The following ANK2 variants were observed in gnomAD, a reference collection of about 807,000 sequenced individuals.
The protein encoded by ANK2 is ankyrin 2.
In ANK2, 83 loss-of-function variants were observed where a neutral mutation model predicts 360.5. The observed-to-expected ratio is 0.23, with a 90% confidence interval of 0.19 to 0.28. The LOEUF (loss-of-function observed/expected upper bound fraction) is 0.28. Among genes scored for constraint, ANK2 ranks in the 10% least tolerant of loss-of-function variants. The pLI is 1.00. For synonymous variants in ANK2, 1,740 were observed against 1,759.5 expected, an observed-to-expected ratio of 0.99 and a Z score of 0.28; for missense variants, 4,201 against 4,795.7, an observed-to-expected ratio of 0.88 and a Z score of 3.66.
chr4:112,865,210 A>G (rs56284188), intron 1 of ANK2, among the ~76,000 whole-genome samples: 4 of 152,208 alleles, frequency 2.6e-5, no homozygotes, highest in African/African-American at 4.8e-5. Context: ...TAGCATTAGA[A>G]ATCACCATCT....
At chr4:113,363,749 A>G (rs1264868673) in intron 40 of ANK2, among the ~76,000 whole-genome samples, 1 of 152,092 alleles carries the variant, frequency 6.6e-6, no homozygotes, top group Admixed American at 6.6e-5. Context: ...CCACATCCCA[A>G]AGATGTGCAC....
chr4:113,365,006 G>C (rs778889165), intron 40 of ANK2, 33 bp from the exon 41 acceptor site: 1 of 1,613,046 alleles, frequency 6.2e-7, no homozygotes, highest in South Asian at 1.1e-5. Flanking sequence ...GTACCTCTCA[G>C]ACATAATAAA....
At chr4:112,796,172 C>T in the ANK2 span, among the ~76,000 whole-genome samples, 2 of 151,882 alleles carry the variant, frequency 1.3e-5, no homozygotes, top group Non-Finnish European at 2.9e-5. Flanking sequence ...CACCTGTAAC[C>T]CTAGCACTTT....
the ANK2 span, among the ~76,000 whole-genome samples, chr4:112,760,414 C>T: frequency 1.3e-5 from 2 of 152,048 alleles, no homozygotes; most frequent in South Asian, 4.1e-4. Context: ...GTCTCGATCT[C>T]CTGACCTTGT....
At chr4:113,204,589 C>G (rs2098916800) in intron 4 of ANK2, among the ~76,000 whole-genome samples, 1 of 152,146 alleles carries the variant, frequency 6.6e-6, no homozygotes, top group Admixed American at 6.5e-5. Flanking sequence ...TGAATAGTCT[C>G]ATTTTGGACA....
chr4:113,373,801 G>A (rs1180196484), intron 45 of ANK2, among the ~76,000 whole-genome samples: 2 of 152,142 alleles, frequency 1.3e-5, no homozygotes, highest in African/African-American at 4.8e-5. Flanking sequence ...GTGTAGAAAC[G>A]CACTGTGGTG....
chr4:113,369,494 AT>A lies in ANK2; in HGVS notation c.11319-17del. On this transcript the variant is annotated intron_variant, in intron 42 of 45. Transcript: ENST00000357077. ...GAAATGCAAATGTCCCTGAAGTCTC[AT>A]TTGGCTTTTTGATTCCAGTGTGACA... 1 of 1,612,830 alleles carries A rather than the reference AT, an allele frequency of 6.2e-7. No homozygotes were observed. Among genetic ancestry groups the A allele is most frequent in the African/African-American group, 1.3e-5 (1 of 75,032 alleles).
chr4:113,378,815 G>A (rs1017537547), intron 45 of ANK2, among the ~76,000 whole-genome samples: 1 of 152,222 alleles, frequency 6.6e-6, no homozygotes, highest in East Asian at 1.9e-4. Context: ...TCTCTGTTAT[G>A]GATTTGATGT....
rs189616322 is a variant in ANK2, at chr4:113,285,668, G to C, written c.2080-1937G>C. Among the ~76,000 whole-genome samples the C allele has an allele frequency of 2.0e-5, 3 of 152,306 alleles. No individual in the cohort carries two copies. In the East Asian group the frequency reaches 5.8e-4, roughly 29 times the overall value. On this transcript the variant is annotated intron_variant, in intron 18 of 45. Coordinates refer to ENST00000357077, the MANE Select transcript of ANK2 (RefSeq NM_001148.6). Reference sequence around the variant, plus strand: ...GTTCAGCTATCCAGAAGCTCCCCGAGCCCTGTCCTCTGGAATTTATGGAAG... The same window carrying C: ...GTTCAGCTATCCAGAAGCTCCCCGACCCCTGTCCTCTGGAATTTATGGAAG...
At chr4:112,805,450 G>T in the ANK2 span, among the ~76,000 whole-genome samples, 1 of 152,152 alleles carries the variant, frequency 6.6e-6, no homozygotes, top group Non-Finnish European at 1.5e-5. Context: ...TGCTCGCTAT[G>T]CACCAGGCAC....
chr4:113,223,959 T>C (rs868001018), intron 4 of ANK2, among the ~76,000 whole-genome samples: 1 of 152,066 alleles, frequency 6.6e-6, no homozygotes, highest in Non-Finnish European at 1.5e-5. Flanking sequence ...TGGTGCTAAT[T>C]GTTGGTAGAG....
rs569042708 is a variant in ANK2 at position 113,206,054 on chromosome 4, A to G, written c.384+6945A>G. On this transcript the variant is annotated intron_variant, in intron 4 of 45. Coordinates refer to ENST00000357077, the MANE Select transcript of ANK2 (RefSeq NM_001148.6). ...TTTTCAGGGTTTTCCCCCAAAATAT[A>G]TGCATATGGTTCTTTTTTCCTCTTT... 2.0e-5 allele frequency among the ~76,000 whole-genome samples: 3 copies of G among 152,298 alleles called. No individual in the cohort carries two copies. In the East Asian group the frequency reaches 5.8e-4, roughly 29 times the overall value.
intron 1 of ANK2, among the ~76,000 whole-genome samples, chr4:113,076,362 G>A (rs955424219): frequency 3.9e-5 from 6 of 152,120 alleles, no homozygotes; most frequent in Admixed American, 2.6e-4. Flanking sequence ...ATTTTCTTTC[G>A]GTATCAGTAT....
chr4:112,718,061 A>G, the ANK2 span, among the ~76,000 whole-genome samples: 1 of 152,194 alleles, frequency 6.6e-6, no homozygotes, highest in Non-Finnish European at 1.5e-5. Context: ...GCATTCTCAC[A>G]TATTCTTGCC....
rs11550170 is a variant in ANK2 at position 113,382,379 on chromosome 4, A to G, written c.*908A>G. ...GCCACGCAGAATGAACCGATGGGGT[A>G]TTCAGTTGCTGGCAGCTACATTGTG... is the stretch of plus-strand genomic sequence containing the variant. On this transcript the variant is annotated 3_prime_UTR_variant, in exon 46 of 46. Transcript: ENST00000357077. 11,659 of 152,896 alleles carry G rather than the reference A, an allele frequency of 0.076. 642 individuals are homozygous for G. Among genetic ancestry groups the G allele is most frequent in the Middle Eastern group, 0.18 (52 of 294 alleles). The allele number at this position is 152,896 out of a possible 1,614,324, so 9.5% of individuals were successfully genotyped here.
At chr4:112,911,216 G>A (rs1215080691) in intron 2 of ANK2, among the ~76,000 whole-genome samples, 1 of 121,604 alleles carries the variant, frequency 8.2e-6, no homozygotes, top group East Asian at 2.6e-4. Flanking sequence ...TTTTAGAGAT[G>A]GTATATCTCG....
At chr4:112,832,537 A>G (rs1469834202) in intron 1 of ANK2, among the ~76,000 whole-genome samples, 2 of 152,246 alleles carry the variant, frequency 1.3e-5, no homozygotes, top group Admixed American at 6.5e-5. Context: ...GTTGATATGG[A>G]TAAAAGCAGA....
At chr4:112,906,432 G>A (rs1010710828) in intron 2 of ANK2, among the ~76,000 whole-genome samples, 19 of 152,162 alleles carry the variant, frequency 1.2e-4, no homozygotes, top group African/African-American at 3.9e-4. Flanking sequence ...AGAATCCAGC[G>A]TCTGGATAGG....
chr4:112,717,773 A>G, the ANK2 span, among the ~76,000 whole-genome samples: 9 of 32,078 alleles, frequency 2.8e-4, no homozygotes, highest in African/African-American at 7.2e-4. Context: ...AACAATGAAT[A>G]TTTACTTTAA....
Sources: allele counts gnomAD v4.1 joint callset (sites outside exome capture counted in the v4.1 genomes callset), GRCh38; gene constraint gnomAD v4.1.1; transcripts MANE v1.5; gene names NCBI Gene and HGNC (gene_info 2026-07-23, HGNC 2026-07-21).